The following GALNTL6 variants were observed in gnomAD, a reference collection of about 807,000 sequenced individuals.
GALNTL6 encodes the protein polypeptide N-acetylgalactosaminyltransferase like 6.
Under a neutral mutation model 73.7 loss-of-function variants are expected in GALNTL6, and 46 were observed. The ratio of observed to expected loss-of-function variants is 0.62; its 90% confidence interval spans 0.49 to 0.80. The LOEUF (loss-of-function observed/expected upper bound fraction) is 0.80, where lower values mean the gene tolerates loss of function less well. Ranked by LOEUF, GALNTL6 falls within the 30% of genes least tolerant of loss-of-function variation. The pLI, the probability that GALNTL6 is intolerant of heterozygous loss-of-function variation, is 0.00. For synonymous variants in GALNTL6, 259 were observed against 263.7 expected, an observed-to-expected ratio of 0.98 and a Z score of 0.17; for missense variants, 604 against 755.0, an observed-to-expected ratio of 0.80 and a Z score of 2.34.
At chr4:172,331,650 G>A (rs993733287) in intron 4 of GALNTL6, among the ~76,000 whole-genome samples, 40 of 152,084 alleles carry the variant, frequency 2.6e-4, no homozygotes, top group Admixed American at 2.3e-3. Flanking sequence ...TCTGAGACTG[G>A]CTTATTTAAC....
At chr4:172,528,985 A>AAG (rs1735074857) in intron 5 of GALNTL6, among the ~76,000 whole-genome samples, 1 of 31,444 alleles carries the variant, frequency 3.2e-5, no homozygotes, top group African/African-American at 1.1e-4. Flanking sequence ...ATTTATACAT[A>AAG]TGTGTGTATA....
chr4:172,315,016 A>G (rs545137138), intron 4 of GALNTL6, among the ~76,000 whole-genome samples: 1 of 152,322 alleles, frequency 6.6e-6, no homozygotes, highest in Middle Eastern at 3.4e-3. Flanking sequence ...GATTTCCTTA[A>G]GTAGGAGCCA....
chr4:172,527,085 A>AAT (rs1734985698), intron 5 of GALNTL6, among the ~76,000 whole-genome samples: 3 of 152,208 alleles, frequency 2.0e-5, no homozygotes, highest in Non-Finnish European at 4.4e-5. Flanking sequence ...TACATACAGT[A>AAT]TAACCACAGA....
Position 172,311,596 on chromosome 4 carries a change from T to G in GALNTL6, c.248-18T>G. Reference sequence around the variant, plus strand: ...GCTTTTATAGAGATGATAATCTCATTTTGTTTTCTCCTGCTAGGGAAAGGT... The same window carrying G: ...GCTTTTATAGAGATGATAATCTCATGTTGTTTTCTCCTGCTAGGGAAAGGT... On this transcript the variant is annotated intron_variant, in intron 3 of 12. Transcript: ENST00000506823. 1 of 1,587,222 alleles carries G rather than the reference T, an allele frequency of 6.3e-7. No homozygotes were observed. Among genetic ancestry groups the G allele is most frequent in the Non-Finnish European group, 8.6e-7 (1 of 1,166,482 alleles).
At chr4:172,098,941 T>C (rs1173196000) in intron 2 of GALNTL6, among the ~76,000 whole-genome samples, 4 of 152,074 alleles carry the variant, frequency 2.6e-5, no homozygotes, top group Non-Finnish European at 5.9e-5. Context: ...AATGTGATAG[T>C]CACAGATAAT....
chr4:172,527,388 T>G (rs985853394), intron 5 of GALNTL6, among the ~76,000 whole-genome samples: 1 of 152,198 alleles, frequency 6.6e-6, no homozygotes, highest in Non-Finnish European at 1.5e-5. Context: ...TTAAAATTAT[T>G]GTAAGTTATA....
chr4:172,036,475 G>A (rs1056393851), intron 2 of GALNTL6, among the ~76,000 whole-genome samples: 2 of 152,178 alleles, frequency 1.3e-5, no homozygotes, highest in Non-Finnish European at 1.5e-5. Flanking sequence ...AAAATCTTAT[G>A]AGCTGGAAGA....
intron 5 of GALNTL6, among the ~76,000 whole-genome samples, chr4:172,679,619 G>T (rs1193227714): frequency 6.6e-6 from 1 of 152,084 alleles, no homozygotes; most frequent in African/African-American, 2.4e-5. Context: ...ATGCTGACTT[G>T]TTTGCTGCTG....
intron 11 of GALNTL6, among the ~76,000 whole-genome samples, chr4:173,018,715 C>T (rs954057658): frequency 6.6e-6 from 1 of 152,148 alleles, no homozygotes; most frequent in Non-Finnish European, 1.5e-5. Context: ...GTGAACACGG[C>T]ACAGAAGGAA....
intron 2 of GALNTL6, among the ~76,000 whole-genome samples, chr4:171,876,279 T>G (rs1436910470): frequency 6.6e-6 from 1 of 152,172 alleles, no homozygotes; most frequent in East Asian, 1.9e-4. Flanking sequence ...ACAAATTGCG[T>G]ACCAATTCTT....
intron 2 of GALNTL6, among the ~76,000 whole-genome samples, chr4:172,009,553 T>C (rs2110776099): frequency 6.6e-6 from 1 of 152,238 alleles, no homozygotes; most frequent in Admixed American, 6.6e-5. Context: ...TAACAAGACC[T>C]TTTCTCAAAG....
intron 2 of GALNTL6, among the ~76,000 whole-genome samples, chr4:172,168,340 G>T (rs1202103374): frequency 6.6e-6 from 1 of 152,126 alleles, no homozygotes; most frequent in Non-Finnish European, 1.5e-5. Flanking sequence ...GGAGTGCAGT[G>T]GCAAAATCTC....
intron 2 of GALNTL6, among the ~76,000 whole-genome samples, chr4:171,937,009 A>C (rs1738369941): frequency 6.6e-6 from 1 of 152,108 alleles, no homozygotes; most frequent in African/African-American, 2.4e-5. Context: ...TCACAATACA[A>C]GTACCCAAGA....
intron 5 of GALNTL6, among the ~76,000 whole-genome samples, chr4:172,581,104 G>A (rs1737168146): frequency 6.6e-6 from 1 of 152,094 alleles, no homozygotes; most frequent in South Asian, 2.1e-4. Context: ...TTCTAAAGAA[G>A]GACTTGATAA....
intron 5 of GALNTL6, among the ~76,000 whole-genome samples, chr4:172,656,096 G>GT (rs1730987355): frequency 6.6e-6 from 1 of 152,164 alleles, no homozygotes; most frequent in Admixed American, 6.5e-5. Flanking sequence ...CCAATACCAT[G>GT]GCACCAGCTT....
At chr4:171,931,241 G>T (rs1204504228) in intron 2 of GALNTL6, among the ~76,000 whole-genome samples, 1 of 152,100 alleles carries the variant, frequency 6.6e-6, no homozygotes, top group East Asian at 1.9e-4. Flanking sequence ...GAGTGCAGTG[G>T]TGCAATCATG....
At chr4:172,602,226 G>A (rs1303003990) in intron 5 of GALNTL6, among the ~76,000 whole-genome samples, 1 of 152,084 alleles carries the variant, frequency 6.6e-6, no homozygotes, top group Non-Finnish European at 1.5e-5. Flanking sequence ...TCTTTAGGAT[G>A]GGTGAAAATG....
At chr4:172,737,039 A>G (rs1736510312) in intron 5 of GALNTL6, among the ~76,000 whole-genome samples, 1 of 152,156 alleles carries the variant, frequency 6.6e-6, no homozygotes, top group Non-Finnish European at 1.5e-5. Context: ...TATAAATTTC[A>G]CAGTCTTGGG....
chr4:171,990,304 A>C (rs1424731352), intron 2 of GALNTL6, among the ~76,000 whole-genome samples: 3 of 152,082 alleles, frequency 2.0e-5, no homozygotes, highest in African/African-American at 4.8e-5. Context: ...TTATTAATTC[A>C]CTTATTTTTT....
Sources: allele counts gnomAD v4.1 joint callset (sites outside exome capture counted in the v4.1 genomes callset), GRCh38; gene constraint gnomAD v4.1.1; transcripts MANE v1.5; gene names NCBI Gene and HGNC (gene_info 2026-07-23, HGNC 2026-07-21).